ENDOU: variants seen among roughly 807,000 people sequenced by gnomAD.
The protein encoded by ENDOU is endonuclease, poly(U) specific, also known as uridylate-specific endoribonuclease.
Under a neutral mutation model 54.2 loss-of-function variants are expected in ENDOU, and 49 were observed. The observed-to-expected ratio is 0.90, with a 90% confidence interval of 0.72 to 1.15. The LOEUF (loss-of-function observed/expected upper bound fraction) is 1.15, where lower values mean the gene tolerates loss of function less well. Ranked by LOEUF, ENDOU falls within the 50% of genes most tolerant of loss-of-function variation. The pLI is 0.00. For missense variants in ENDOU, 458 were observed against 511.4 expected (o/e 0.90, Z 1.01); for synonymous variants, 172 against 190.5 (o/e 0.90, Z 0.80).
chr12:47,716,282 C>T lies in ENDOU; in HGVS notation c.751+18G>A. The T allele has an allele frequency of 6.2e-7, 1 of 1,613,418 alleles. No homozygotes were observed. The highest frequency in any genetic ancestry group is 8.5e-7 in the Non-Finnish European group (1 of 1,179,592). ...CAGACAGACTCATGCGCTCTGGGGCCTGGGGGTGCTCACTCACTCTGGTGA... is the reference window on the plus strand; with the variant it reads ...CAGACAGACTCATGCGCTCTGGGGCTTGGGGGTGCTCACTCACTCTGGTGA... On this transcript the variant is annotated intron_variant, in intron 6 of 9. Coordinates refer to ENST00000422538, the MANE Select transcript of ENDOU (RefSeq NM_001172439.2).
At chr12:47,716,849 G>T (rs1380998795) in intron 5 of ENDOU, 41 bp downstream of exon 5, 12 of 1,603,898 alleles carry the variant, frequency 7.5e-6, no homozygotes, top group Non-Finnish European at 9.4e-6. Context: ...AAGGATAGGG[G>T]CAAGATTTAG....
At chr12:47,715,571 G>A (rs958690732) in intron 6 of ENDOU, among the ~76,000 whole-genome samples, 1 of 152,184 alleles carries the variant, frequency 6.6e-6, no homozygotes, top group Non-Finnish European at 1.5e-5. Flanking sequence ...AACTCTTAAG[G>A]GAGGCAGCAG....
At chr12:47,711,598 A>T in intron 9 of ENDOU, 35 bp downstream of exon 9, 2 of 1,604,154 alleles carry the variant, frequency 1.2e-6, no homozygotes, top group Middle Eastern at 3.8e-4. Flanking sequence ...CTGCAGCCCC[A>T]GTCTGCCCCC....
At chr12:47,723,948 T>C (rs1321727727) in intron 1 of ENDOU, among the ~76,000 whole-genome samples, 3 of 152,218 alleles carry the variant, frequency 2.0e-5, no homozygotes, top group Non-Finnish European at 1.5e-5. Flanking sequence ...AGTTCTGAGA[T>C]GTTGGGATAG....
chr12:47,719,804 GA>G (rs1205916778), intron 2 of ENDOU: 1 of 152,068 alleles, frequency 6.6e-6, no homozygotes, highest in Admixed American at 6.6e-5. Flanking sequence ...TGTATAAATT[GA>G]AAAAAAGCTT....
In ENDOU at chr12:47,713,947, G is replaced by C. The variant is rs556714409; in HGVS notation, c.752-559C>G. On this transcript the variant is annotated intron_variant, in intron 6 of 9. Transcript: ENST00000422538. ...AAAAGAAGTCAGTGAGGCTGGAGCA[G>C]GAGGGGAGAGTGGTAGGAGAGGAGG... Among the ~76,000 whole-genome samples, 10 of 152,362 alleles carry C rather than the reference G, an allele frequency of 6.6e-5. 1 individual carries two copies. The highest frequency in any genetic ancestry group is 2.4e-4 in the African/African-American group (10 of 41,588).
At position 47,710,106 on chromosome 12, in the gene ENDOU, C is replaced by G. The variant is rs1939929804; in HGVS notation, c.*696G>C. 1 of 152,230 alleles carries G rather than the reference C, an allele frequency of 6.6e-6. No individual in the cohort carries two copies. Among genetic ancestry groups the G allele is most frequent in the Non-Finnish European group, 1.5e-5 (1 of 68,064 alleles). 9.4% of individuals were successfully genotyped at this position (152,230 alleles called of 1,614,324 possible). On this transcript the variant is annotated 3_prime_UTR_variant, in exon 10 of 10. Transcript: ENST00000422538. ...AGATACTGAGCTGGACACAAAAACA[C>G]TCAGGCCTGGAGAAGGCCACCCCAC...
chr12:47,713,501 C>A (rs1379188361), intron 6 of ENDOU, 113 bp from the exon 7 acceptor site: 1 of 712,728 alleles, frequency 1.4e-6, no homozygotes. Context: ...CATGTGGGTT[C>A]AATCAACAAA....
At chr12:47,713,805 G>A (rs1187546728) in intron 6 of ENDOU, among the ~76,000 whole-genome samples, 1 of 150,892 alleles carries the variant, frequency 6.6e-6, no homozygotes, top group Non-Finnish European at 1.5e-5. Context: ...GCACTGATCA[G>A]AGAGCTGAAG....
chr12:47,719,422 T>C (rs1940360506), intron 2 of ENDOU: 1 of 152,184 alleles, frequency 6.6e-6, no homozygotes, highest in African/African-American at 2.4e-5. Flanking sequence ...TATGCTTATA[T>C]GGTGATATGG....
At chr12:47,713,409 T>A in intron 6 of ENDOU, 21 bp from the exon 7 acceptor site, 1 of 1,587,712 alleles carries the variant, frequency 6.3e-7, no homozygotes, top group Non-Finnish European at 8.6e-7. Context: ...ACACAAAGGG[T>A]TTTGGAGAGG....
Position 47,710,001 on chromosome 12 carries a change from C to T in ENDOU, c.*801G>A, listed in dbSNP as rs1939925380. ...CTGAATCATCCTCCTATGAGGAGAA[C>T]TCTTTCAAAAAAAAATTGGGGATCA... On this transcript the variant is annotated 3_prime_UTR_variant, in exon 10 of 10. Transcript: ENST00000422538. The T allele has an allele frequency of 1.0e-5, 1 of 96,506 alleles. No homozygotes were observed. Among genetic ancestry groups the T allele is most frequent in the South Asian group, 3.6e-4 (1 of 2,752 alleles). The allele number at this position is 96,506 out of a possible 1,614,324, so 6.0% of individuals were successfully genotyped here. A position where few individuals can be genotyped will look rare whatever the true frequency, so the allele number is the denominator to read the frequency against.
intron 8 of ENDOU, among the ~76,000 whole-genome samples, chr12:47,712,248 G>A (rs1940048655): frequency 6.6e-6 from 1 of 152,208 alleles, no homozygotes; most frequent in African/African-American, 2.4e-5. Flanking sequence ...TCTTCCCTCT[G>A]AGAATCCTCC....
At position 47,709,920 on chromosome 12, in the gene ENDOU, G is replaced by A. The variant is rs894701304; in HGVS notation, c.*882C>T. 1 of 152,102 alleles carries A rather than the reference G, an allele frequency of 6.6e-6. No individual in the cohort carries two copies. The highest frequency in any genetic ancestry group is 1.5e-5 in the Non-Finnish European group (1 of 68,014). The allele number at this position is 152,102 out of a possible 1,614,324, so 9.4% of individuals were successfully genotyped here. A position where few individuals can be genotyped will look rare whatever the true frequency, so the allele number is the denominator to read the frequency against. The stretch of plus-strand genomic sequence containing the variant: ...TATTCAAATTATGGCTGCTGGATAA[G>A]GCTTAAAATAATTATGTTAATGACA... On this transcript the variant is annotated 3_prime_UTR_variant, in exon 10 of 10. Coordinates refer to ENST00000422538, the MANE Select transcript of ENDOU (RefSeq NM_001172439.2).
intron 1 of ENDOU, among the ~76,000 whole-genome samples, chr12:47,724,950 G>A (rs1254825703): frequency 6.6e-6 from 1 of 152,102 alleles, no homozygotes; most frequent in African/African-American, 2.4e-5. Context: ...AACCTCACCT[G>A]TCACCAGGCA....
In ENDOU at chr12:47,716,387, G is replaced by A. The variant is rs200174792; in HGVS notation, c.664C>T (p.Gln222Ter). 5 of 1,614,152 alleles carry A rather than the reference G, an allele frequency of 3.1e-6. No homozygotes were observed. The highest frequency in any genetic ancestry group is 4.2e-6 in the Non-Finnish European group (5 of 1,180,032). ...ATGHGEHFSAQELAEQDAFLR... is the reference protein window; with the variant it reads ...ATGHGEHFSA ...AAGGCGTCCTGCTCGGCCAGCTCCT[G>A]GGCACTGAAGTGCTCCCCATGGCCT... Residue 222 changes from glutamine to a stop codon, truncating the protein, a stop_gained, in exon 6 of 10, where the codon CAG (glutamine) becomes TAG (stop). Transcript: ENST00000422538. LOFTEE classifies it high-confidence loss of function.
chr12:47,713,746 G>T (rs1025469195), intron 6 of ENDOU, among the ~76,000 whole-genome samples: 1 of 150,376 alleles, frequency 6.6e-6, no homozygotes, highest in Non-Finnish European at 1.5e-5. Flanking sequence ...TTGGCGGGGG[G>T]GGGGGGTCTT....
chr12:47,716,210 T>C (rs1431886828), intron 6 of ENDOU, 90 bp downstream of exon 6: 1 of 1,276,354 alleles, frequency 7.8e-7, no homozygotes, highest in African/African-American at 1.5e-5. Context: ...CACCGCCTCC[T>C]CACCTGCCCT....
At chr12:47,712,145 T>C (rs1379295980) in intron 8 of ENDOU, among the ~76,000 whole-genome samples, 1 of 152,236 alleles carries the variant, frequency 6.6e-6, no homozygotes, top group African/African-American at 2.4e-5. Flanking sequence ...TTCTGTCTTA[T>C]AAAGTGTATG....
Sources: allele counts gnomAD v4.1 joint callset (sites outside exome capture counted in the v4.1 genomes callset), GRCh38; gene constraint gnomAD v4.1.1; transcripts MANE v1.5; gene names NCBI Gene and HGNC (gene_info 2026-07-23, HGNC 2026-07-21).